ANKFY1: variants seen among roughly 807,000 people sequenced by gnomAD.
ANKFY1 encodes ankyrin repeat and FYVE domain containing 1, also known as ankyrin repeat and FYVE domain-containing protein 1.
In ANKFY1, 47 loss-of-function variants were observed where a neutral mutation model predicts 128.3. That is an observed-to-expected ratio of 0.37 (90% confidence interval 0.29 to 0.47). The LOEUF (loss-of-function observed/expected upper bound fraction) is 0.47. ANKFY1 is among the 20% of genes least tolerant of loss of function. The pLI is 1.00. For synonymous variants in ANKFY1, 553 were observed against 601.6 expected, an observed-to-expected ratio of 0.92 and a Z score of 1.18; for missense variants, 1,222 against 1,510.6, an observed-to-expected ratio of 0.81 and a Z score of 3.17.
intron 3 of ANKFY1, among the ~76,000 whole-genome samples, chr17:4,231,261 C>T (rs946226243): frequency 2.0e-5 from 3 of 152,166 alleles, no homozygotes; most frequent in African/African-American, 7.2e-5. Context: ...TTTGGGTAGC[C>T]AAGGCAGGAG....
Position 4,177,076 on chromosome 17 carries a change from A to G in ANKFY1, c.2775+50T>C, listed in dbSNP as rs368363975. 16 of 1,485,312 alleles carry G rather than the reference A, an allele frequency of 1.1e-5. No homozygotes were observed. The African/African-American group carries it at 2.3e-4, about 21-fold the overall frequency. 92.0% of individuals were successfully genotyped at this position (1,485,312 alleles called of 1,614,324 possible). A position where few individuals can be genotyped will look rare whatever the true frequency, so the allele number is the denominator to read the frequency against. The stretch of plus-strand genomic sequence containing the variant: ...TGATGAGATTCTGCACAAGCTCTAC[A>G]ATATGCTTTGACAACATATTATTAC... On this transcript the variant is annotated intron_variant, in intron 19 of 24. Coordinates refer to ENST00000341657, the MANE Select transcript of ANKFY1 (RefSeq NM_001330063.2).
At chr17:4,205,370 A>C (rs887598877) in intron 7 of ANKFY1, among the ~76,000 whole-genome samples, 2 of 152,248 alleles carry the variant, frequency 1.3e-5, no homozygotes, top group Non-Finnish European at 2.9e-5. Flanking sequence ...TTTGGGACTC[A>C]TGAATTAGTA....
In ANKFY1 at chr17:4,206,352, G is replaced by A; in HGVS notation, c.867C>T (p.Gly289=). The A allele has an allele frequency of 6.2e-7, 1 of 1,614,034 alleles. No individual in the cohort carries two copies. The highest frequency in any genetic ancestry group is 8.5e-7 in the Non-Finnish European group (1 of 1,179,908). Residue 289 remains glycine, a synonymous_variant, in exon 7 of 25, where the codon GGC becomes GGT. Transcript: ENST00000341657. ...KADVDMVDKS[G]WSLLHKGIQR... ...GGATTCCTTTGTGTAACAAGCTCCA[G>A]CCACTCTTGTCCACCATGTCCACAT...
intron 22 of ANKFY1, 127 bp from the exon 23 acceptor site, chr17:4,170,988 C>CAA: frequency 7.2e-7 from 1 of 1,392,626 alleles, no homozygotes; most frequent in African/African-American, 1.4e-5. Context: ...AAAGTCCCCA[C>CAA]AGACATACGG....
chr17:4,236,855 C>A (rs1010527306), intron 2 of ANKFY1, among the ~76,000 whole-genome samples: 3 of 151,706 alleles, frequency 2.0e-5, no homozygotes, highest in African/African-American at 7.3e-5. Context: ...AAAAGGAAAC[C>A]CAAGCCAGGC....
At position 4,165,283 on chromosome 17, in the gene ANKFY1, G is replaced by A. The variant is rs1026431705; in HGVS notation, c.*2496C>T. The A allele has an allele frequency of 3.3e-5, 5 of 152,244 alleles. No individual in the cohort carries two copies. Among genetic ancestry groups the A allele is most frequent in the African/African-American group, 1.2e-4 (5 of 41,464 alleles). 9.4% of individuals were successfully genotyped at this position (152,244 alleles called of 1,614,324 possible). On this transcript the variant is annotated 3_prime_UTR_variant, in exon 25 of 25. Transcript: ENST00000341657. ...CAGCATAACAATGTTGACTGTTGCA[G>A]CAAATTATGTTTCAGTAAAGTTTAC...
intron 4 of ANKFY1, 120 bp from the exon 5 acceptor site, chr17:4,210,067 G>T: frequency 1.2e-6 from 1 of 808,352 alleles, no homozygotes; most frequent in East Asian, 2.9e-5. Flanking sequence ...ATGGGATAAG[G>T]TTAAGCAAAG....
rs1157288871 is a variant in ANKFY1 at position 4,235,805 on chromosome 17, T to C, written c.289A>G (p.Asn97Asp). Reference protein sequence around the residue: ...AARSDSWSLANLSSTKELDLS... With the variant: ...AARSDSWSLADLSSTKELDLS... Reference sequence around the variant, plus strand: ...TCCAACTCTTTAGTGGAAGACAAGTTAGCCAGACTCCAGCTGTCACTGCGG... The same window carrying C: ...TCCAACTCTTTAGTGGAAGACAAGTCAGCCAGACTCCAGCTGTCACTGCGG... Residue 97 changes from asparagine to aspartate, a missense_variant, in exon 3 of 25, where the codon AAC becomes GAC. Asn to Asp is a conservative substitution (Grantham distance 23). Coordinates refer to ENST00000341657, the MANE Select transcript of ANKFY1 (RefSeq NM_001330063.2). 5 of 1,614,176 alleles carry C rather than the reference T, an allele frequency of 3.1e-6. No individual in the cohort carries two copies.
intron 7 of ANKFY1, among the ~76,000 whole-genome samples, chr17:4,199,337 C>T (rs2059885547): frequency 1.3e-5 from 2 of 152,186 alleles, no homozygotes; most frequent in Admixed American, 6.5e-5. Context: ...TACAGGCACG[C>T]ATGCCACCAT....
chr17:4,169,333 G>A lies in ANKFY1; in HGVS notation c.3287-45C>T, dbSNP rs74995106. Reference sequence around the variant, plus strand: ...CCCGGTCCCGTCAAACCGCGACGGCGCCACGCAAGCCCCAGGGCTTGGAGG... The same window carrying A: ...CCCGGTCCCGTCAAACCGCGACGGCACCACGCAAGCCCCAGGGCTTGGAGG... On this transcript the variant is annotated intron_variant, in intron 23 of 24. Coordinates refer to ENST00000341657, the MANE Select transcript of ANKFY1 (RefSeq NM_001330063.2). This position sits in a 1 kb window ranked among gnomAD's most constrained non-coding sequence, Gnocchi z 5.0. The A allele has an allele frequency of 0.016, 22,445 of 1,436,878 alleles. 222 individuals carry two copies. The highest frequency in any genetic ancestry group is 0.019 in the Non-Finnish European group (19,415 of 1,047,320). 89.0% of individuals were successfully genotyped at this position (1,436,878 alleles called of 1,614,324 possible).
rs533415756 is a variant in ANKFY1, at chr17:4,256,316, T to C, written c.10+7616A>G. ...AGTGGCGGGCGCCTGTAGTCCCAGCTACTCAGGAGGCGGAGGCAGGAGAAC... is the reference window on the plus strand; with the variant it reads ...AGTGGCGGGCGCCTGTAGTCCCAGCCACTCAGGAGGCGGAGGCAGGAGAAC... On this transcript the variant is annotated intron_variant, in intron 1 of 24. Transcript: ENST00000341657. Among the ~76,000 whole-genome samples the C allele has an allele frequency of 1.7e-4, 26 of 152,124 alleles. 1 individual carries two copies. In the South Asian group the frequency reaches 5.2e-3, roughly 30 times the overall value.
intron 4 of ANKFY1, among the ~76,000 whole-genome samples, chr17:4,216,363 AG>A (rs2060220733): frequency 6.6e-6 from 1 of 152,280 alleles, no homozygotes. Flanking sequence ...CAGCTCCAAT[AG>A]AAAGACGCTC....
chr17:4,225,744 G>GGT (rs991404369), intron 3 of ANKFY1, among the ~76,000 whole-genome samples: 2 of 151,968 alleles, frequency 1.3e-5, no homozygotes, highest in Non-Finnish European at 1.5e-5. Flanking sequence ...CTATGGCTTC[G>GGT]GTGTGTGTGT....
Position 4,207,992 on chromosome 17 carries a change from C to T in ANKFY1, c.673G>A (p.Ala225Thr), listed in dbSNP as rs764577752. ...KSKTEYPLHK[A>T]IKVEREDVVF... ...ACGTCTTCTCTCTCCACTTTGATGG[C>T]TTTATGTAGCGGGTACTCTGTCTTG... Residue 225 changes from alanine (A) to threonine (T), a missense_variant, in exon 6 of 25, where the codon GCC becomes ACC. Transcript: ENST00000341657. 8 of 1,611,092 alleles carry T rather than the reference C, an allele frequency of 5.0e-6. No individual in the cohort carries two copies. The South Asian group carries it at 8.9e-5, about 18-fold the overall frequency.
chr17:4,179,404 G>T, intron 17 of ANKFY1: 1 of 517,306 alleles, frequency 1.9e-6, no homozygotes, highest in Non-Finnish European at 3.5e-6. Context: ...GTAACTCAGG[G>T]GTGCTCAAGT....
chr17:4,244,929 C>T (rs1222537205), intron 1 of ANKFY1, among the ~76,000 whole-genome samples: 2 of 152,058 alleles, frequency 1.3e-5, no homozygotes, highest in Admixed American at 6.6e-5. Flanking sequence ...TCCTCAGCCC[C>T]GCCATCTCTA....
chr17:4,197,633 T>G, intron 7 of ANKFY1, 56 bp from the exon 8 acceptor site: 1 of 1,531,834 alleles, frequency 6.5e-7, no homozygotes, highest in East Asian at 2.3e-5. Flanking sequence ...TGGCCAGTGC[T>G]TCTTCAAGAG....
chr17:4,253,558 C>G (rs553651519), intron 1 of ANKFY1, among the ~76,000 whole-genome samples: 1 of 152,198 alleles, frequency 6.6e-6, no homozygotes. Flanking sequence ...TCCTGTTGCC[C>G]TTCTCATCCT....
At chr17:4,253,842 G>C (rs1019677432) in intron 1 of ANKFY1, among the ~76,000 whole-genome samples, 1 of 152,016 alleles carries the variant, frequency 6.6e-6, no homozygotes, top group African/African-American at 2.4e-5. Context: ...TAAACTACAC[G>C]ACTTTACCTA....
Sources: allele counts gnomAD v4.1 joint callset (sites outside exome capture counted in the v4.1 genomes callset), GRCh38; gene constraint gnomAD v4.1.1; non-coding constraint Gnocchi (gnomAD v3.1); transcripts MANE v1.5; gene names NCBI Gene and HGNC (gene_info 2026-07-23, HGNC 2026-07-21).